GPR39: variants seen among roughly 807,000 people sequenced by gnomAD.
The protein encoded by GPR39 is G protein-coupled receptor 39.
In GPR39, 23 loss-of-function variants were observed where a neutral mutation model predicts 18.4. The ratio of observed to expected loss-of-function variants is 1.25; its 90% CI spans 0.90 to 1.77. GPR39 has a LOEUF of 1.77. GPR39 is among the 40% of genes most tolerant of loss of function. The pLI, the probability that GPR39 is intolerant of heterozygous loss-of-function variation, is 0.00. For synonymous variants in GPR39, 280 were observed against 257.9 expected (o/e 1.09, Z -0.82); for missense variants, 647 against 602.4 (o/e 1.07, Z -0.78).
chr2:132,470,161 G>A (rs1036968175), intron 1 of GPR39, among the ~76,000 whole-genome samples: 2 of 152,180 alleles, frequency 1.3e-5, no homozygotes, highest in African/African-American at 2.4e-5. Flanking sequence ...CTGAATTTGA[G>A]GGACTGGGTG....
chr2:132,528,631 C>T (rs1679554241), intron 1 of GPR39, among the ~76,000 whole-genome samples: 1 of 152,106 alleles, frequency 6.6e-6, no homozygotes, highest in South Asian at 2.1e-4. Flanking sequence ...TTGCAGTTCT[C>T]CTTGAAGAGG....
intron 1 of GPR39, among the ~76,000 whole-genome samples, chr2:132,639,904 A>G (rs1681828267): frequency 6.6e-6 from 1 of 151,998 alleles, no homozygotes; most frequent in African/African-American, 2.4e-5. Context: ...CTAAAGCTGG[A>G]AAAAAACCCT....
At chr2:132,622,748 G>A (rs1051486538) in intron 1 of GPR39, among the ~76,000 whole-genome samples, 9 of 152,128 alleles carry the variant, frequency 5.9e-5, no homozygotes, top group Admixed American at 3.3e-4. Context: ...AAAATAAGGG[G>A]GTCTGCCACC....
intron 1 of GPR39, among the ~76,000 whole-genome samples, chr2:132,556,868 A>G (rs1219039033): frequency 1.3e-5 from 2 of 152,190 alleles, no homozygotes; most frequent in Non-Finnish European, 2.9e-5. Flanking sequence ...TCCTTAGGGT[A>G]GGTGACAGGA....
At chr2:132,624,763 A>T (rs985371721) in intron 1 of GPR39, among the ~76,000 whole-genome samples, 1 of 152,234 alleles carries the variant, frequency 6.6e-6, no homozygotes, top group Non-Finnish European at 1.5e-5. Flanking sequence ...TAGCCTGCTG[A>T]TCCTCACTGC....
chr2:132,623,653 C>T (rs566984982), intron 1 of GPR39, among the ~76,000 whole-genome samples: 1 of 152,204 alleles, frequency 6.6e-6, no homozygotes, highest in Non-Finnish European at 1.5e-5. Flanking sequence ...TTCCTAACTT[C>T]TCTTGATGTT....
chr2:132,599,776 C>T (rs1330235035), intron 1 of GPR39, among the ~76,000 whole-genome samples: 1 of 152,132 alleles, frequency 6.6e-6, no homozygotes, highest in African/African-American at 2.4e-5. Context: ...ACCATCATGG[C>T]GTGTCAGCAG....
At chr2:132,477,688 T>A (rs560810641) in intron 1 of GPR39, among the ~76,000 whole-genome samples, 1 of 152,326 alleles carries the variant, frequency 6.6e-6, no homozygotes, top group South Asian at 2.1e-4. Context: ...GGGCTGTTTT[T>A]CTGTAGTTTC....
intron 1 of GPR39, among the ~76,000 whole-genome samples, chr2:132,543,067 C>A (rs890160506): frequency 1.3e-5 from 2 of 152,142 alleles, no homozygotes; most frequent in Admixed American, 6.5e-5. Context: ...ACTTTTTGCT[C>A]CTTAACTCAG....
At chr2:132,588,290 G>T (rs1424035244) in intron 1 of GPR39, among the ~76,000 whole-genome samples, 1 of 152,186 alleles carries the variant, frequency 6.6e-6, no homozygotes, top group Admixed American at 6.5e-5. Context: ...CTCAGCAGAA[G>T]TAAGAGCTCT....
At chr2:132,523,508 C>A (rs1264022205) in intron 1 of GPR39, 1 of 152,114 alleles carries the variant, frequency 6.6e-6, no homozygotes, top group Non-Finnish European at 1.5e-5. Flanking sequence ...CCTAGCCCTG[C>A]CATCCACTGC....
At chr2:132,428,561 G>A (rs890017635) in intron 1 of GPR39, among the ~76,000 whole-genome samples, 4 of 152,212 alleles carry the variant, frequency 2.6e-5, no homozygotes, top group Admixed American at 1.3e-4. Context: ...CCAGGGACCC[G>A]CAGCATCAGC....
chr2:132,440,157 C>T (rs182296315), intron 1 of GPR39, among the ~76,000 whole-genome samples: 10 of 152,268 alleles, frequency 6.6e-5, no homozygotes, highest in Admixed American at 2.0e-4. Flanking sequence ...TGGTAGGTCA[C>T]GGACCCTAGC....
intron 1 of GPR39, among the ~76,000 whole-genome samples, chr2:132,539,878 G>A (rs144538500): frequency 2.0e-5 from 3 of 152,234 alleles, no homozygotes; most frequent in Non-Finnish European, 4.4e-5. Context: ...TAGAAAATAC[G>A]GTTCACATAG....
At chr2:132,511,179 C>T (rs1679234719) in intron 1 of GPR39, among the ~76,000 whole-genome samples, 1 of 152,208 alleles carries the variant, frequency 6.6e-6, no homozygotes, top group Non-Finnish European at 1.5e-5. Flanking sequence ...GATGCACCAT[C>T]ATTTAGTTAA....
chr2:132,430,617 A>G (rs984383583), intron 1 of GPR39, among the ~76,000 whole-genome samples: 2 of 152,072 alleles, frequency 1.3e-5, no homozygotes, highest in African/African-American at 2.4e-5. Context: ...GCATCATCCC[A>G]TCTTTGTTGC....
Position 132,535,695 on chromosome 2 carries a change from C to CCTTTTT in GPR39, c.857-109406_857-109405insCTTTTT, listed in dbSNP as rs1553454956. Among the ~76,000 whole-genome samples, 4 of 96,538 alleles carry CCTTTTT rather than the reference C, an allele frequency of 4.1e-5. 1 individual carries two copies. The highest frequency in any genetic ancestry group is 1.6e-4 in the African/African-American group (4 of 25,328). The allele number at this position is 96,538 out of a possible 152,430, so 63.3% of individuals were successfully genotyped here. A position where few individuals can be genotyped will look rare whatever the true frequency, so the allele number is the denominator to read the frequency against. The stretch of plus-strand genomic sequence containing the variant: ...GGCTGTGAATCCATCTGGTCCTGGG[C>CCTTTTT]TTTTTTTTTTTGGTTGGTAGGCTAT... On this transcript the variant is annotated intron_variant, in intron 1 of 1. Coordinates refer to ENST00000329321, the MANE Select transcript of GPR39 (RefSeq NM_001508.3).
intron 1 of GPR39, among the ~76,000 whole-genome samples, chr2:132,464,343 G>C (rs918073414): frequency 6.6e-6 from 1 of 152,198 alleles, no homozygotes; most frequent in Non-Finnish European, 1.5e-5. Flanking sequence ...AGAGAAGCTC[G>C]TGTGCAGGAT....
chr2:132,437,230 A>G (rs1332071710), intron 1 of GPR39, among the ~76,000 whole-genome samples: 1 of 152,210 alleles, frequency 6.6e-6, no homozygotes, highest in African/African-American at 2.4e-5. Flanking sequence ...ATATTCACCC[A>G]TCCTTACCTT....
Sources: gnomAD v4.1 joint callset for allele counts (sites outside exome capture counted in the v4.1 genomes callset) on GRCh38, gnomAD v4.1.1 for gene constraint, MANE v1.5 for transcripts, NCBI Gene and HGNC (gene_info 2026-07-23, HGNC 2026-07-21) for gene names.